The following NPSR1 variants were observed in gnomAD, a reference collection of about 807,000 sequenced individuals.
NPSR1 encodes the protein neuropeptide S receptor 1, also known as neuropeptide S receptor.
Under a neutral mutation model 46.9 loss-of-function variants are expected in NPSR1, and 48 were observed. The observed-to-expected ratio is 1.02, with a 90% CI of 0.81 to 1.30. The LOEUF (loss-of-function observed/expected upper bound fraction) is 1.30. Among genes scored for constraint, NPSR1 ranks in the 50% most tolerant of loss-of-function variants. NPSR1 has a pLI of 0.00. For missense variants in NPSR1, 450 were observed against 449.5 expected, an observed-to-expected ratio of 1.00 and a Z score of -0.01; for synonymous variants, 176 against 168.1, an observed-to-expected ratio of 1.05 and a Z score of -0.36.
At chr7:34,878,252 A>G (rs1791623203) in exon 9 of NPSR1, 1 of 926,636 alleles carries the variant, frequency 1.1e-6, no homozygotes, top group Non-Finnish European at 1.7e-6. Flanking sequence ...CCAGGGCACA[A>G]GGACACCAGT....
At chr7:34,750,700 A>T in intron 2 of NPSR1, 1 of 700,898 alleles carries the variant, frequency 1.4e-6, no homozygotes. Context: ...CTGACAGTTT[A>T]TCTCCAAAAC....
chr7:34,793,606 T>C (rs1788038353), intron 3 of NPSR1, among the ~76,000 whole-genome samples: 1 of 152,130 alleles, frequency 6.6e-6, no homozygotes, highest in Non-Finnish European at 1.5e-5. Flanking sequence ...AAGGAAACTC[T>C]TACATATTGT....
chr7:34,791,334 C>T lies in NPSR1; in HGVS notation c.384+12769C>T, dbSNP rs1013834744. 2.2e-4 allele frequency among the ~76,000 whole-genome samples: 31 copies of T among 143,618 alleles called. No individual in the cohort carries two copies. In the East Asian group the frequency reaches 5.4e-3, roughly 25 times the overall value. The allele number at this position is 143,618 out of a possible 152,430, so 94.2% of individuals were successfully genotyped here. On this transcript the variant is annotated intron_variant, in intron 3 of 8. Coordinates refer to ENST00000360581, the MANE Select transcript of NPSR1 (RefSeq NM_207172.2). The stretch of plus-strand genomic sequence containing the variant: ...TATATACACAAAACACAAAACACCA[C>T]CAAAAACTGTTAAAACTAACAAATG...
In NPSR1 at chr7:34,786,290, A is replaced by G. The variant is rs558752216; in HGVS notation, c.384+7725A>G. ...AAGGAATCACTTTCTTTGCTCATCCATAATAAGCAATTCCTCATCCATTCT... is the reference window on the plus strand; with the variant it reads ...AAGGAATCACTTTCTTTGCTCATCCGTAATAAGCAATTCCTCATCCATTCT... On this transcript the variant is annotated intron_variant, in intron 3 of 8. Transcript: ENST00000360581. Among the ~76,000 whole-genome samples the G allele has an allele frequency of 2.6e-5, 4 of 152,278 alleles. No individual in the cohort carries two copies. In the East Asian group the frequency reaches 7.7e-4, roughly 29 times the overall value.
At chr7:34,679,909 A>G (rs1792530056) in intron 1 of NPSR1, among the ~76,000 whole-genome samples, 1 of 152,146 alleles carries the variant, frequency 6.6e-6, no homozygotes. Context: ...TACTAAATAC[A>G]AAATGTTAAA....
intron 2 of NPSR1, chr7:34,751,587 C>T: frequency 1.2e-6 from 2 of 1,601,724 alleles, no homozygotes; most frequent in Non-Finnish European, 1.7e-6. Context: ...CCTGTTCTTC[C>T]CGGAGAACTC....
At chr7:34,818,255 G>A (rs1789355146) in intron 4 of NPSR1, among the ~76,000 whole-genome samples, 1 of 152,140 alleles carries the variant, frequency 6.6e-6, no homozygotes, top group African/African-American at 2.4e-5. Context: ...AAAATCACAA[G>A]CATTCCTATA....
intron 4 of NPSR1, among the ~76,000 whole-genome samples, chr7:34,820,594 G>A (rs141522601): frequency 9.3e-4 from 141 of 152,272 alleles, no homozygotes; most frequent in African/African-American, 3.2e-3. Context: ...CCCTCAGGAG[G>A]TCATGAGAAT....
intron 7 of NPSR1, among the ~76,000 whole-genome samples, chr7:34,847,745 C>A (rs1265867354): frequency 1.3e-5 from 2 of 152,160 alleles, no homozygotes; most frequent in African/African-American, 4.8e-5. Flanking sequence ...TCTACCAGAT[C>A]AAATGTTACT....
intron 3 of NPSR1, among the ~76,000 whole-genome samples, chr7:34,791,155 A>ATGT (rs1249141350): frequency 0.014 from 1,844 of 131,162 alleles, 64 homozygotes; most frequent in Non-Finnish European, 0.023. Flanking sequence ...AATATGTTAT[A>ATGT]TATTATATAT....
At chr7:34,870,104 A>G (rs1336167119) in intron 8 of NPSR1, among the ~76,000 whole-genome samples, 2 of 151,780 alleles carry the variant, frequency 1.3e-5, no homozygotes, top group Non-Finnish European at 2.9e-5. Flanking sequence ...TACCTTCAAG[A>G]CTTAGTTCAA....
intron 1 of NPSR1, among the ~76,000 whole-genome samples, chr7:34,680,067 C>A (rs533051937): frequency 3.3e-5 from 5 of 151,982 alleles, no homozygotes; most frequent in Non-Finnish European, 7.4e-5. Context: ...AATAGATAAA[C>A]CACCAGAGAA....
intron 2 of NPSR1, chr7:34,750,773 T>G (rs1272292265): frequency 8.6e-6 from 6 of 693,948 alleles, no homozygotes; most frequent in Non-Finnish European, 1.4e-5. Context: ...TGACACACAG[T>G]AGGCCAGGTC....
intron 2 of NPSR1, among the ~76,000 whole-genome samples, chr7:34,755,903 T>C (rs190909673): frequency 6.6e-6 from 1 of 152,342 alleles, no homozygotes; most frequent in East Asian, 1.9e-4. Context: ...CTCAAAGCCA[T>C]AGGTATTCTC....
chr7:34,714,670 T>C (rs1308703997), intron 2 of NPSR1, among the ~76,000 whole-genome samples: 1 of 152,128 alleles, frequency 6.6e-6, no homozygotes, highest in South Asian at 2.1e-4. Context: ...GCTGGGCTCA[T>C]TTACCTAGTG....
intron 8 of NPSR1, among the ~76,000 whole-genome samples, chr7:34,865,491 G>T (rs557963001): frequency 1.3e-5 from 2 of 151,880 alleles, no homozygotes. Context: ...TTCTTCCCTG[G>T]TAGGAGTGAG....
At position 34,754,558 on chromosome 7, in the gene NPSR1, A is replaced by G. The variant is rs1347417207; in HGVS notation, c.281-23904A>G. Among the ~76,000 whole-genome samples the G allele has an allele frequency of 4.0e-5, 6 of 151,778 alleles. No individual in the cohort carries two copies. The East Asian group carries it at 9.7e-4, about 24-fold the overall frequency. On this transcript the variant is annotated intron_variant, in intron 2 of 8. Transcript: ENST00000360581. ...CCCAGTACCACCTCTTCCCCCCACC[A>G]AGAGTAAGCCCTGAGGCCCAGACAG...
At chr7:34,751,638 G>A (rs2128724201) in intron 2 of NPSR1, 2 of 1,599,644 alleles carry the variant, frequency 1.3e-6, no homozygotes, top group East Asian at 2.2e-5. Flanking sequence ...GCTCCAAGTG[G>A]ACCAGCTGCT....
chr7:34,787,555 A>G (rs948701334), intron 3 of NPSR1, among the ~76,000 whole-genome samples: 3 of 152,158 alleles, frequency 2.0e-5, no homozygotes, highest in Non-Finnish European at 4.4e-5. Flanking sequence ...CTTTTGGTCT[A>G]TCTTGGTTTC....
Sources: allele counts gnomAD v4.1 joint callset (sites outside exome capture counted in the v4.1 genomes callset), GRCh38; gene constraint gnomAD v4.1.1; transcripts MANE v1.5; gene names NCBI Gene and HGNC (gene_info 2026-07-23, HGNC 2026-07-21).